Variants in PCSK2 observed in about 807,000 individuals in gnomAD.
PCSK2 encodes proprotein convertase subtilisin/kexin type 2.
PCSK2 carries 14 observed loss-of-function variants against 69.7 expected under a neutral mutation model. The ratio of observed to expected loss-of-function variants is 0.20; its 90% CI spans 0.13 to 0.31. The LOEUF (loss-of-function observed/expected upper bound fraction) is 0.31. Among genes scored for constraint, PCSK2 ranks in the 10% least tolerant of loss-of-function variants. The probability of loss-of-function intolerance (pLI) is 1.00; values close to 1 mark genes in which losing one functional copy is unlikely to be tolerated. For missense variants in PCSK2, 544 were observed against 842.5 expected, an observed-to-expected ratio of 0.65 and a Z score of 4.39; for synonymous variants, 307 against 320.7, an observed-to-expected ratio of 0.96 and a Z score of 0.46.
chr20:17,426,157 A>C (rs1037761372), intron 6 of PCSK2, among the ~76,000 whole-genome samples: 1 of 152,172 alleles, frequency 6.6e-6, no homozygotes, highest in African/African-American at 2.4e-5. Flanking sequence ...GACCAGGTGG[A>C]GGTAACTGAA....
intron 1 of PCSK2, among the ~76,000 whole-genome samples, chr20:17,242,755 C>G (rs1249648828): frequency 6.6e-6 from 1 of 152,176 alleles, no homozygotes; most frequent in East Asian, 1.9e-4. Flanking sequence ...GAGAGAGGAG[C>G]TGAAGTCACA....
At chr20:17,463,938 G>A (rs1264706655) in intron 10 of PCSK2, 1 of 152,140 alleles carries the variant, frequency 6.6e-6, no homozygotes, top group Non-Finnish European at 1.5e-5. Flanking sequence ...AATCCTCGGT[G>A]AGTAATAAAT....
At chr20:17,421,843 A>G in intron 6 of PCSK2, among the ~76,000 whole-genome samples, 1 of 145,632 alleles carries the variant, frequency 6.9e-6, no homozygotes, top group Non-Finnish European at 1.5e-5. Context: ...AAAAAAGACG[A>G]AAAAATATCT....
At chr20:17,344,954 G>A (rs1213238629) in intron 2 of PCSK2, among the ~76,000 whole-genome samples, 4 of 22,672 alleles carry the variant, frequency 1.8e-4, no homozygotes, top group African/African-American at 3.5e-4. Flanking sequence ...TTCCTTCCTC[G>A]AACAATCTCA....
chr20:17,360,620 C>T lies in PCSK2; in HGVS notation c.485C>T (p.Thr162Ile), dbSNP rs751879970. The change falls in exon 4 of 12, where the codon ACC (threonine) becomes ATC (isoleucine). Residue 162 changes from threonine to isoleucine, a missense_variant. Around this residue, in one of 3 missense-constraint regions of PCSK2, gnomAD observed 187 missense variants for 399.8 expected, o/e 0.47. Coordinates refer to ENST00000262545, the MANE Select transcript of PCSK2 (RefSeq NM_002594.5). ...CTGGGATACACAGGGAAAGGTGTTA[C>T]CATTGGAATTATGGATGATGGTGAG... is the stretch of plus-strand genomic sequence containing the variant. ...WELGYTGKGV[T>I]IGIMDDGIDY... is the part of the protein sequence containing the mutation. 2 of 1,604,930 alleles carry T rather than the reference C, an allele frequency of 1.2e-6. No individual in the cohort carries two copies. The highest frequency in any genetic ancestry group is 1.1e-5 in the South Asian group (1 of 90,626).
intron 5 of PCSK2, among the ~76,000 whole-genome samples, chr20:17,406,379 G>A (rs145517096): frequency 2.0e-5 from 3 of 152,342 alleles, no homozygotes; most frequent in South Asian, 4.1e-4. Flanking sequence ...AATGTTCAGT[G>A]TAGACTGTTA....
intron 1 of PCSK2, among the ~76,000 whole-genome samples, chr20:17,255,341 C>T (rs547280370): frequency 6.6e-6 from 1 of 151,326 alleles, no homozygotes; most frequent in South Asian, 2.1e-4. Context: ...CCTTTCATTC[C>T]TAATTTTTTT....
chr20:17,391,909 G>GAAGGAAGGAAGA (rs2031386717), intron 5 of PCSK2, among the ~76,000 whole-genome samples: 1 of 98,928 alleles, frequency 1.0e-5, no homozygotes, highest in African/African-American at 4.4e-5. Flanking sequence ...AGAGAGAGAG[G>GAAGGAAGGAAGA]AAGGAAGGAA....
chr20:17,341,269 G>T (rs1466257010), intron 2 of PCSK2, among the ~76,000 whole-genome samples: 1 of 151,958 alleles, frequency 6.6e-6, no homozygotes, highest in African/African-American at 2.4e-5. Context: ...AAGATTGCAG[G>T]GTTTAAATTG....
upstream of PCSK2, chr20:17,226,876 G>A (rs1985925969): frequency 6.9e-6 from 1 of 144,538 alleles, no homozygotes; most frequent in Non-Finnish European, 1.5e-5. Flanking sequence ...GTGGGCGGGG[G>A]CGGGCCCGGG....
chr20:17,328,535 G>C (rs1025105648), intron 2 of PCSK2, among the ~76,000 whole-genome samples: 7 of 151,782 alleles, frequency 4.6e-5, no homozygotes, highest in Admixed American at 3.3e-4. Context: ...TTAGCAGTGG[G>C]GATATTTGTA....
At chr20:17,362,403 G>A (rs1235741506) in intron 4 of PCSK2, among the ~76,000 whole-genome samples, 1 of 152,168 alleles carries the variant, frequency 6.6e-6, no homozygotes, top group Admixed American at 6.5e-5. Context: ...ATCTCTCACG[G>A]TTCTGTGGGT....
intron 2 of PCSK2, among the ~76,000 whole-genome samples, chr20:17,285,485 ACT>A (rs1293849243): frequency 2.0e-5 from 3 of 152,114 alleles, no homozygotes; most frequent in African/African-American, 7.2e-5. Context: ...AGCATGGGTG[ACT>A]CTATTTTGAT....
At chr20:17,413,056 A>G (rs2031914143) in intron 6 of PCSK2, among the ~76,000 whole-genome samples, 1 of 152,234 alleles carries the variant, frequency 6.6e-6, no homozygotes, top group African/African-American at 2.4e-5. Flanking sequence ...AGGAACAACC[A>G]GTACCAGCCA....
chr20:17,273,352 A>G (rs1987940625), intron 2 of PCSK2, among the ~76,000 whole-genome samples: 2 of 152,162 alleles, frequency 1.3e-5, no homozygotes, highest in African/African-American at 4.8e-5. Context: ...ATTAAATAAC[A>G]ATGAAAGTCC....
At chr20:17,304,577 A>G (rs185220780) in intron 2 of PCSK2, among the ~76,000 whole-genome samples, 10 of 152,224 alleles carry the variant, frequency 6.6e-5, no homozygotes, top group Admixed American at 2.0e-4. Context: ...TTGTTTACCT[A>G]TTTTCTCTAC....
intron 8 of PCSK2, among the ~76,000 whole-genome samples, chr20:17,442,126 G>A (rs2032611015): frequency 2.0e-5 from 3 of 151,852 alleles, no homozygotes; most frequent in African/African-American, 7.3e-5. Flanking sequence ...AAGCCCAGGA[G>A]AGCCAGAGAT....
chr20:17,285,771 G>A (rs1988492288), intron 2 of PCSK2, among the ~76,000 whole-genome samples: 2 of 152,152 alleles, frequency 1.3e-5, no homozygotes, highest in Admixed American at 1.3e-4. Context: ...ATTAGGAGTG[G>A]AATAGTGGAA....
At chr20:17,226,792 C>T (rs1321106154), upstream of PCSK2, among the ~76,000 whole-genome samples, 1 of 135,116 alleles carries the variant, frequency 7.4e-6, no homozygotes, top group African/African-American at 2.7e-5. Context: ...GGCGGGGGCG[C>T]GGGCTCGCTG....
Sources: allele counts gnomAD v4.1 joint callset (sites outside exome capture counted in the v4.1 genomes callset), GRCh38; gene constraint gnomAD v4.1.1; regional missense constraint gnomAD v4.1.1; transcripts MANE v1.5; gene names NCBI Gene and HGNC (gene_info 2026-07-23, HGNC 2026-07-21).